The following SLC60A2 variants were observed in gnomAD, a reference collection of about 807,000 sequenced individuals.
SLC60A2 encodes the protein major facilitator superfamily domain containing 4B.
the SLC60A2 span, among the ~76,000 whole-genome samples, chr6:111,263,069 C>T: frequency 6.6e-6 from 1 of 152,100 alleles, no homozygotes; most frequent in Non-Finnish European, 1.5e-5. Context: ...TTCCAATTAA[C>T]TGGGACCACA....
chr6:111,274,742 G>C, the SLC60A2 span, among the ~76,000 whole-genome samples: 1 of 152,084 alleles, frequency 6.6e-6, no homozygotes, highest in African/African-American at 2.4e-5. Context: ...TTTGCCTTCA[G>C]ATGTATTAAG....
chr6:111,271,914 G>A, the SLC60A2 span, among the ~76,000 whole-genome samples: 2 of 151,556 alleles, frequency 1.3e-5, no homozygotes, highest in Non-Finnish European at 2.9e-5. Context: ...TTTACAGTAA[G>A]CTGAGATCAC....
the SLC60A2 span, chr6:111,266,404 G>T: frequency 6.2e-7 from 1 of 1,614,094 alleles, no homozygotes. Flanking sequence ...TTTGCAGCCT[G>T]CAGGGGCCTG....
At chr6:111,269,647 T>C in the SLC60A2 span, 1 of 152,196 alleles carries the variant, frequency 6.6e-6, no homozygotes, top group African/African-American at 2.4e-5. Context: ...GAATTCCACC[T>C]TCAGCATTTA....
the SLC60A2 span, chr6:111,266,210 A>G: frequency 6.2e-7 from 1 of 1,613,556 alleles, no homozygotes; most frequent in South Asian, 1.1e-5. Context: ...AAGCAAGAGC[A>G]TCTGCTGAGA....
chr6:111,259,511 G>A, the SLC60A2 span: 3 of 516,250 alleles, frequency 5.8e-6, no homozygotes, highest in Non-Finnish European at 1.0e-5. Flanking sequence ...CGCGGCGGCA[G>A]CAAGACGACT....
chr6:111,260,679 G>A, the SLC60A2 span, among the ~76,000 whole-genome samples: 1 of 152,086 alleles, frequency 6.6e-6, no homozygotes, highest in Non-Finnish European at 1.5e-5. Flanking sequence ...GTCATGTGTG[G>A]TCACTTACCA....
the SLC60A2 span, among the ~76,000 whole-genome samples, chr6:111,271,775 T>TAAAAAAAAAAAAAAAAAAAAAA: frequency 2.1e-4 from 4 of 18,850 alleles, 2 homozygotes; most frequent in Non-Finnish European, 3.8e-4. Flanking sequence ...CCATCTCTAC[T>TAAAAAAAAAAAAAAAAAAAAAA]AAAAAAAAAA....
chr6:111,279,242 A>C, the SLC60A2 span, among the ~76,000 whole-genome samples: 1 of 151,326 alleles, frequency 6.6e-6, no homozygotes, highest in African/African-American at 2.4e-5. Flanking sequence ...AGATCCTTGA[A>C]ATTCTGTGCA....
chr6:111,279,135 C>G, the SLC60A2 span, among the ~76,000 whole-genome samples: 1 of 152,304 alleles, frequency 6.6e-6, no homozygotes, highest in Non-Finnish European at 1.5e-5. Flanking sequence ...GATTGAGAAC[C>G]ACTGCTTTGA....
At chr6:111,266,148 G>C in the SLC60A2 span, 1 of 1,612,878 alleles carries the variant, frequency 6.2e-7, no homozygotes, top group Non-Finnish European at 8.5e-7. Flanking sequence ...CATGTTCTTA[G>C]TTTCTGTCAT....
At chr6:111,276,726 T>C in the SLC60A2 span, among the ~76,000 whole-genome samples, 14 of 151,552 alleles carry the variant, frequency 9.2e-5, no homozygotes, top group Admixed American at 7.2e-4. Flanking sequence ...GAGATCCCTC[T>C]GAACCACCTT....
At chr6:111,279,483 C>T in the SLC60A2 span, among the ~76,000 whole-genome samples, 1 of 151,550 alleles carries the variant, frequency 6.6e-6, no homozygotes, top group Non-Finnish European at 1.5e-5. Context: ...CTCTTGACCT[C>T]GTGATCCGCC....
chr6:111,264,959 G>GGC, the SLC60A2 span, among the ~76,000 whole-genome samples: 1 of 152,038 alleles, frequency 6.6e-6, no homozygotes, highest in Non-Finnish European at 1.5e-5. Context: ...CAGGCATGGT[G>GGC]GCGCGTGCCT....
At chr6:111,276,515 G>T in the SLC60A2 span, among the ~76,000 whole-genome samples, 1 of 152,114 alleles carries the variant, frequency 6.6e-6, no homozygotes, top group Admixed American at 6.5e-5. Context: ...GTTATGTTGG[G>T]CAACTACCTC....
the SLC60A2 span, chr6:111,268,395 C>T: frequency 2.6e-5 from 4 of 152,130 alleles, no homozygotes; most frequent in Non-Finnish European, 5.9e-5. Context: ...AGTTTTTTCC[C>T]ATATGTATAT....
the SLC60A2 span, chr6:111,265,333 A>G: frequency 1.0e-6 from 1 of 985,052 alleles, no homozygotes. Flanking sequence ...TTTAGACAGT[A>G]TAAATTCAGA....
At chr6:111,264,639 T>G in the SLC60A2 span, among the ~76,000 whole-genome samples, 13 of 151,668 alleles carry the variant, frequency 8.6e-5, no homozygotes, top group African/African-American at 3.2e-4. Context: ...ATACAAAAAA[T>G]TAGCCGGGTG....
At chr6:111,273,246 G>C in the SLC60A2 span, among the ~76,000 whole-genome samples, 1 of 152,162 alleles carries the variant, frequency 6.6e-6, no homozygotes, top group South Asian at 2.1e-4. Flanking sequence ...AAGCTTTTAG[G>C]CTCAAGCAGT....
Sources: gnomAD v4.1 joint callset for allele counts (sites outside exome capture counted in the v4.1 genomes callset) on GRCh38, gnomAD v4.1.1 for gene constraint, MANE v1.5 for transcripts, NCBI Gene and HGNC (gene_info 2026-07-23, HGNC 2026-07-21) for gene names.